TSPOAP1: variants seen among roughly 807,000 people sequenced by gnomAD.
TSPOAP1 encodes the protein TSPO associated protein 1.
In TSPOAP1, 87 loss-of-function variants were observed where a neutral mutation model predicts 197.0. That is an observed-to-expected ratio of 0.44 (90% CI 0.37 to 0.53). The LOEUF (loss-of-function observed/expected upper bound fraction) is 0.53. TSPOAP1 is among the 20% of genes least tolerant of loss of function. The pLI, the probability that TSPOAP1 is intolerant of heterozygous loss-of-function variation, is 0.00. For synonymous variants in TSPOAP1, 913 were observed against 998.9 expected (o/e 0.91, Z 1.62); for missense variants, 2,174 against 2,411.3 (o/e 0.90, Z 2.06).
chr17:58,304,407 C>T lies in TSPOAP1; in HGVS notation c.5545-8G>A. On this transcript the variant is annotated splice_polypyrimidine_tract_variant and splice_region_variant and intron_variant, in intron 30 of 31. Coordinates refer to ENST00000343736, the MANE Select transcript of TSPOAP1 (RefSeq NM_004758.4). This position sits in a 1 kb window ranked among gnomAD's most constrained non-coding sequence, Gnocchi z 4.2. ...TCTTCTCCTCCTCGTTCTCTGAGGACAGGGAACAAAGAGAGGAGATGGGTT... is the reference window on the plus strand; with the variant it reads ...TCTTCTCCTCCTCGTTCTCTGAGGATAGGGAACAAAGAGAGGAGATGGGTT... 2 of 1,612,968 alleles carry T rather than the reference C, an allele frequency of 1.2e-6. No homozygotes were observed. Among genetic ancestry groups the T allele is most frequent in the Non-Finnish European group, 1.7e-6 (2 of 1,178,948 alleles).
Position 58,326,567 on chromosome 17 carries a change from G to A in TSPOAP1, c.441+116C>T. 1 of 1,531,752 alleles carries A rather than the reference G, an allele frequency of 6.5e-7. No individual in the cohort carries two copies. The highest frequency in any genetic ancestry group is 8.9e-7 in the Non-Finnish European group (1 of 1,122,846). 94.9% of individuals were successfully genotyped at this position (1,531,752 alleles called of 1,614,324 possible). A position where few individuals can be genotyped will look rare whatever the true frequency, so the allele number is the denominator to read the frequency against. ...GGGGTTCACCCTCTCTGGGTCTCAG[G>A]ATTTTGTCACCTCCATTGAGCCCCC... On this transcript the variant is annotated intron_variant, in intron 2 of 31. Coordinates refer to ENST00000343736, the MANE Select transcript of TSPOAP1 (RefSeq NM_004758.4). This position sits in a 1 kb window ranked among gnomAD's most constrained non-coding sequence, Gnocchi z 4.7.
intron 16 of TSPOAP1, among the ~76,000 whole-genome samples, chr17:58,315,402 G>C (rs1159280928): frequency 6.6e-6 from 1 of 152,226 alleles, no homozygotes; most frequent in African/African-American, 2.4e-5. Context: ...TGGTACCCAG[G>C]CCAGAGCCAC....
At chr17:58,320,896 C>T (rs556482224) in intron 10 of TSPOAP1, among the ~76,000 whole-genome samples, 34 of 152,246 alleles carry the variant, frequency 2.2e-4, no homozygotes, top group African/African-American at 7.5e-4. Context: ...GATGCTCCTT[C>T]TCAGCCTCTT....
At chr17:58,319,053 G>A in intron 13 of TSPOAP1, 37 bp downstream of exon 13, 3 of 1,468,152 alleles carry the variant, frequency 2.0e-6, no homozygotes, top group Non-Finnish European at 2.7e-6. Flanking sequence ...GCCCAGGCCT[G>A]GGGATTCCAG....
At chr17:58,303,161 G>A in intron 31 of TSPOAP1, 1 of 152,628 alleles carries the variant, frequency 6.6e-6, no homozygotes, top group Admixed American at 6.5e-5. Flanking sequence ...AGCCCGCCCA[G>A]ACGGCGCTCC....
chr17:58,318,735 T>A (rs1426527494), intron 13 of TSPOAP1, among the ~76,000 whole-genome samples: 1 of 152,100 alleles, frequency 6.6e-6, no homozygotes, highest in Non-Finnish European at 1.5e-5. Context: ...CAAATCACAG[T>A]GACTGTCAAG....
At position 58,304,606 on chromosome 17, in the gene TSPOAP1, C is replaced by T. The variant is rs1791610211; in HGVS notation, c.5545-207G>A. The T allele has an allele frequency of 1.7e-6, 1 of 599,328 alleles. No homozygotes were observed. Among genetic ancestry groups the T allele is most frequent in the Admixed American group, 3.0e-5 (1 of 33,812 alleles). The allele number at this position is 599,328 out of a possible 1,614,324, so 37.1% of individuals were successfully genotyped here. A position where few individuals can be genotyped will look rare whatever the true frequency, so the allele number is the denominator to read the frequency against. On this transcript the variant is annotated intron_variant, in intron 30 of 31. Transcript: ENST00000343736. The surrounding 1 kb of genome is among the most constrained non-coding windows in gnomAD (Gnocchi z 4.2). ...AGAGTGGAGGCTTAGTTGTATTCCACTCACCCCAAGGAGAGGCAAGCTCAA... is the reference window on the plus strand; with the variant it reads ...AGAGTGGAGGCTTAGTTGTATTCCATTCACCCCAAGGAGAGGCAAGCTCAA...
At position 58,310,082 on chromosome 17, in the gene TSPOAP1, T is replaced by C. The variant is rs1385757276; in HGVS notation, c.3776A>G (p.Asp1259Gly). 1 of 1,613,470 alleles carries C rather than the reference T, an allele frequency of 6.2e-7. No homozygotes were observed. The highest frequency in any genetic ancestry group is 1.1e-5 in the South Asian group (1 of 91,090). The change falls in exon 21 of 32, where the codon GAC (aspartate) becomes GGC (glycine). Residue 1259 changes from aspartate (D) to glycine (G), a missense_variant. Asp to Gly is a moderately conservative substitution (Grantham distance 94). This residue lies in a region of TSPOAP1 where 1,933 missense variants were observed against 2,139.0 expected (regional missense o/e 0.90). Coordinates refer to ENST00000343736, the MANE Select transcript of TSPOAP1 (RefSeq NM_004758.4). ...CTCCTCTTCCTCTTCCTCCTGGATG[T>C]CTGACAGGTCTGAGTTGCGGCCGTG... ...VDHGRNSDLSDIQEEEEEEEE... is the reference protein window; with the variant it reads ...VDHGRNSDLSGIQEEEEEEEE...
chr17:58,305,506 C>A, intron 28 of TSPOAP1, 34 bp downstream of exon 28: 2 of 1,610,984 alleles, frequency 1.2e-6, no homozygotes, highest in Non-Finnish European at 1.7e-6. Context: ...GCTCTGCCAC[C>A]GCCCTTTGCT....
chr17:58,319,244 G>T lies in TSPOAP1; in HGVS notation c.1545C>A (p.Phe515Leu). 1 of 1,599,236 alleles carries T rather than the reference G, an allele frequency of 6.3e-7. No homozygotes were observed. ...EEQCRSQTEQFSLLAQELQAF... is the reference protein window; with the variant it reads ...EEQCRSQTEQLSLLAQELQAF... ...CCTGGAGTTCCTGTGCCAGGAGGCTGAACTGCTCGGTTTGGCTGCGGCACT... is the reference window on the plus strand; with the variant it reads ...CCTGGAGTTCCTGTGCCAGGAGGCTTAACTGCTCGGTTTGGCTGCGGCACT... The change falls in exon 13 of 32, where the codon TTC (phenylalanine) becomes TTA (leucine). Residue 515 changes from phenylalanine (F) to leucine (L), a missense_variant. By Grantham distance (22) the Phe-to-Leu change is conservative. This residue lies in a region of TSPOAP1 where 1,933 missense variants were observed against 2,139.0 expected (regional missense o/e 0.90). Coordinates refer to ENST00000343736, the MANE Select transcript of TSPOAP1 (RefSeq NM_004758.4).
chr17:58,318,530 A>G (rs1198925755), intron 13 of TSPOAP1, 78 bp from the exon 14 acceptor site: 2 of 1,427,420 alleles, frequency 1.4e-6, no homozygotes, highest in Non-Finnish European at 1.9e-6. Context: ...CTTCTTGGAT[A>G]TGGGGACCAG....
In TSPOAP1 at chr17:58,307,602, A is replaced by G; in HGVS notation, c.4983+9T>C. The G allele has an allele frequency of 4.3e-6, 7 of 1,612,880 alleles. No homozygotes were observed. The highest frequency in any genetic ancestry group is 5.9e-6 in the Non-Finnish European group (7 of 1,179,420). ...TTGGAATTCTGAGCCCTGATGGCGA[A>G]TCAGTCACCTTCAGGATCTGACCCT... On this transcript the variant is annotated intron_variant, in intron 24 of 31. Transcript: ENST00000343736.
chr17:58,305,634 T>C lies in TSPOAP1; in HGVS notation c.5267A>G (p.Lys1756Arg), dbSNP rs765042601. Residue 1756 changes from lysine to arginine, a missense_variant, in exon 28 of 32, where the codon AAG (lysine) becomes AGG (arginine). Physicochemically the swap from Lys to Arg is conservative, Grantham distance 26 (BLOSUM62 2). This residue lies in a region of TSPOAP1 where 161 missense variants were observed against 159.1 expected (regional missense o/e 1.01). Transcript: ENST00000343736. ...GPAQPCPGPP[K>R]LVPSADLKAP... ...TTTCAGGTCAGCAGAGGGGACCAGC[T>C]TAGGGGGGCCTGCAGGGGGAGTAGG... The C allele has an allele frequency of 6.5e-7, 1 of 1,529,364 alleles. No homozygotes were observed. Among genetic ancestry groups the C allele is most frequent in the Non-Finnish European group, 8.8e-7 (1 of 1,133,292 alleles). 94.7% of individuals were successfully genotyped at this position (1,529,364 alleles called of 1,614,324 possible).
At chr17:58,315,284 T>C (rs9903279) in intron 16 of TSPOAP1, among the ~76,000 whole-genome samples, 18,467 of 152,184 alleles carry the variant, frequency 0.12, 1,208 homozygotes, top group East Asian at 0.19. Flanking sequence ...GAGCTAAGCC[T>C]GTTCCTAAAT....
Position 58,326,219 on chromosome 17 carries a change from C to T in TSPOAP1, c.570+74G>A. On this transcript the variant is annotated intron_variant, in intron 3 of 31. Transcript: ENST00000343736. This position sits in a 1 kb window ranked among gnomAD's most constrained non-coding sequence, Gnocchi z 4.7. ...GAGACCGTGACTCCCAAGCTTCAGA[C>T]AGCCCTCAGGCCCAGCCCTGGCTCC... is the stretch of plus-strand genomic sequence containing the variant. 6.3e-7 allele frequency: 1 copy of T among 1,583,248 alleles called. No individual in the cohort carries two copies. Among genetic ancestry groups the T allele is most frequent in the Non-Finnish European group, 8.6e-7 (1 of 1,165,372 alleles).
At chr17:58,318,771 C>T (rs112677200) in intron 13 of TSPOAP1, among the ~76,000 whole-genome samples, 2,550 of 152,230 alleles carry the variant, frequency 0.017, 76 homozygotes, top group African/African-American at 0.059. Context: ...CCACCGGATC[C>T]GACTGACCCC....
chr17:58,312,827 T>C (rs1237871282), intron 16 of TSPOAP1, 105 bp from the exon 17 acceptor site: 14 of 801,042 alleles, frequency 1.7e-5, no homozygotes, highest in Non-Finnish European at 2.5e-5. Context: ...TGGGTGATCT[T>C]CAGCATTTGA....
At chr17:58,310,186 G>C (rs1765139223) in intron 20 of TSPOAP1, 28 bp from the exon 21 acceptor site, 1 of 1,600,012 alleles carries the variant, frequency 6.2e-7, no homozygotes, top group Admixed American at 1.7e-5. Context: ...AGGCAGGAGA[G>C]ATAAGGACAG....
Position 58,310,881 on chromosome 17 carries a change from C to G in TSPOAP1, c.3414G>C (p.Glu1138Asp), listed in dbSNP as rs1346579949. 2.0e-6 allele frequency: 3 copies of G among 1,537,388 alleles called. No individual in the cohort carries two copies. The highest frequency in any genetic ancestry group is 1.4e-5 in the African/African-American group (1 of 72,188). Reference sequence around the variant, plus strand: ...GGTCCTCGTGGGACCCTTTTGCCATCTCTCTGGAAGGGCTTGCAGGGGGTG... The same window carrying G: ...GGTCCTCGTGGGACCCTTTTGCCATGTCTCTGGAAGGGCTTGCAGGGGGTG... ...PGAPPASPSREMAKGSHEDPP... is the reference protein window; with the variant it reads ...PGAPPASPSRDMAKGSHEDPP... The change falls in exon 19 of 32, where the codon GAG becomes GAC. Residue 1138 changes from glutamate (E) to aspartate (D), a missense_variant. By Grantham distance (45) the Glu-to-Asp change is conservative. Around this residue, in one of 5 missense-constraint regions of TSPOAP1, gnomAD observed 1,933 missense variants for 2,139.0 expected, o/e 0.90. Transcript: ENST00000343736.
Sources: gnomAD v4.1 joint callset for allele counts (sites outside exome capture counted in the v4.1 genomes callset) on GRCh38, gnomAD v4.1.1 for gene constraint, gnomAD v4.1.1 regional missense constraint, Gnocchi (gnomAD v3.1) non-coding constraint, MANE v1.5 for transcripts, NCBI Gene and HGNC (gene_info 2026-07-23, HGNC 2026-07-21) for gene names.